GABRR2: variants seen among roughly 807,000 people sequenced by gnomAD.
GABRR2 encodes the protein gamma-aminobutyric acid type A receptor subunit rho2, also known as gamma-aminobutyric acid receptor subunit rho-2.
GABRR2 carries 36 observed loss-of-function variants against 47.0 expected under a neutral mutation model. The ratio of observed to expected loss-of-function variants is 0.77; its 90% CI spans 0.59 to 1.01. GABRR2 has a LOEUF of 1.01. GABRR2 is among the 50% of genes least tolerant of loss of function. The pLI is 0.00. For synonymous variants in GABRR2, 204 were observed against 227.5 expected, an observed-to-expected ratio of 0.90 and a Z score of 0.93; for missense variants, 587 against 594.6, an observed-to-expected ratio of 0.99 and a Z score of 0.13.
chr6:89,288,229 G>T (rs956489610), intron 2 of GABRR2, among the ~76,000 whole-genome samples: 1 of 152,074 alleles, frequency 6.6e-6, no homozygotes, highest in African/African-American at 2.4e-5. Context: ...AAACCAGAGA[G>T]GGGAGGACCA....
chr6:89,292,715 C>CAGATATATATCGTATCTCTGAT (rs1226215538), intron 2 of GABRR2, among the ~76,000 whole-genome samples: 2 of 123,398 alleles, frequency 1.6e-5, no homozygotes, highest in African/African-American at 5.4e-5. Flanking sequence ...TGATATATAT[C>CAGATATATATCGTATCTCTGAT]AGATATATAT....
At chr6:89,298,492 C>T (rs1488682945) in intron 2 of GABRR2, among the ~76,000 whole-genome samples, 4 of 152,116 alleles carry the variant, frequency 2.6e-5, no homozygotes, top group African/African-American at 9.7e-5. Context: ...CTGGAGGTCA[C>T]AGCTACTCCT....
At chr6:89,284,995 A>G (rs755554818) in intron 2 of GABRR2, among the ~76,000 whole-genome samples, 1 of 152,200 alleles carries the variant, frequency 6.6e-6, no homozygotes, top group Non-Finnish European at 1.5e-5. Flanking sequence ...CCGACTCCCC[A>G]GGCACACAGC....
At chr6:89,307,690 C>G (rs1379956905) in intron 1 of GABRR2, among the ~76,000 whole-genome samples, 1 of 152,134 alleles carries the variant, frequency 6.6e-6, no homozygotes, top group Non-Finnish European at 1.5e-5. Context: ...GCCCTCAGGG[C>G]CTGTGACTGT....
chr6:89,305,525 G>A (rs1161806445), intron 1 of GABRR2, among the ~76,000 whole-genome samples: 1 of 152,038 alleles, frequency 6.6e-6, no homozygotes, highest in African/African-American at 2.4e-5. Context: ...TTGGGAGGCT[G>A]AGGTGGGAAA....
Position 89,257,951 on chromosome 6 carries a change from TTGAA to T in GABRR2, c.1113_1116del (p.His371GlnfsTer4). 1 of 1,613,878 alleles carries T rather than the reference TTGAA, an allele frequency of 6.2e-7. No individual in the cohort carries two copies. Among genetic ancestry groups the T allele is most frequent in the Non-Finnish European group, 8.5e-7 (1 of 1,179,838 alleles). ...TAGCTTCCATCCAGCATCATGGTTT[TTGAA>T]TGAAGCATTCCACACATGCACGGGA... On this transcript the variant is annotated frameshift_variant, in exon 9 of 9. Transcript: ENST00000402938. LOFTEE classifies it high-confidence loss of function.
At chr6:89,276,061 A>C (rs1774152933) in intron 2 of GABRR2, among the ~76,000 whole-genome samples, 1 of 147,826 alleles carries the variant, frequency 6.8e-6, no homozygotes. Flanking sequence ...ATAAATTATA[A>C]TATAAAATAT....
At position 89,264,599 on chromosome 6, in the gene GABRR2, G is replaced by A. The variant is rs368451536; in HGVS notation, c.899C>T (p.Thr300Met). ...GATGATGGTGGTCATGGTCAGCACC[G>A]TCGTGATACCTGCAACACCCGGCCT... is the stretch of plus-strand genomic sequence containing the variant. Reference protein sequence around the residue: ...VPARVSLGITTVLTMTTIITG... With the variant: ...VPARVSLGITMVLTMTTIITG... The change falls in exon 8 of 9, where the codon ACG becomes ATG. Residue 300 changes from threonine (T) to methionine (M), a missense_variant. Transcript: ENST00000402938. The A allele has an allele frequency of 2.6e-5, 42 of 1,614,142 alleles. No individual in the cohort carries two copies. The highest frequency in any genetic ancestry group is 5.3e-5 in the African/African-American group (4 of 75,064).
chr6:89,267,942 C>A, intron 5 of GABRR2, 72 bp downstream of exon 5: 2 of 1,576,408 alleles, frequency 1.3e-6, no homozygotes, highest in Non-Finnish European at 1.7e-6. Context: ...AGTGCTCAGT[C>A]TCATGATTAC....
intron 2 of GABRR2, among the ~76,000 whole-genome samples, chr6:89,274,873 A>T (rs1048371645): frequency 6.6e-5 from 10 of 151,920 alleles, no homozygotes; most frequent in Non-Finnish European, 1.2e-4. Context: ...GTCTGTAAAT[A>T]AATAATTTTT....
chr6:89,258,767 G>A (rs1285131674), intron 8 of GABRR2, among the ~76,000 whole-genome samples: 2 of 150,342 alleles, frequency 1.3e-5, no homozygotes, highest in Non-Finnish European at 1.5e-5. Context: ...ATGAGGTAGA[G>A]AGTGTCCTTA....
chr6:89,260,935 T>G (rs566789708), intron 8 of GABRR2, among the ~76,000 whole-genome samples: 175 of 152,370 alleles, frequency 1.1e-3, no homozygotes, highest in African/African-American at 4.1e-3. Flanking sequence ...CCAGCAACTA[T>G]GCTTCTTGGT....
At chr6:89,302,618 C>T (rs1011767209) in intron 1 of GABRR2, 19 of 1,232,434 alleles carry the variant, frequency 1.5e-5, no homozygotes, top group South Asian at 5.9e-5. Flanking sequence ...GGGCCCTGAC[C>T]GTGCCCGAGC....
chr6:89,288,747 T>G (rs189250317), intron 2 of GABRR2, among the ~76,000 whole-genome samples: 66 of 152,250 alleles, frequency 4.3e-4, no homozygotes, highest in Non-Finnish European at 7.2e-4. Context: ...GCTCAAGTGA[T>G]CCTCCCACTT....
chr6:89,259,351 G>A (rs1459509323), intron 8 of GABRR2, among the ~76,000 whole-genome samples: 1 of 152,140 alleles, frequency 6.6e-6, no homozygotes, highest in African/African-American at 2.4e-5. Context: ...AGAAATAGAT[G>A]AATGATTTTA....
chr6:89,311,544 T>C (rs201122492), intron 1 of GABRR2, among the ~76,000 whole-genome samples: 4 of 152,124 alleles, frequency 2.6e-5, no homozygotes, highest in African/African-American at 9.7e-5. Context: ...CACCCACCCA[T>C]GGCAGGGCAG....
intron 2 of GABRR2, among the ~76,000 whole-genome samples, chr6:89,284,848 A>G (rs1235560799): frequency 6.6e-6 from 1 of 152,244 alleles, no homozygotes; most frequent in East Asian, 1.9e-4. Flanking sequence ...TTACCTCTCA[A>G]AAATTTTTTA....
At chr6:89,263,255 T>C (rs1048570554) in intron 8 of GABRR2, among the ~76,000 whole-genome samples, 1 of 152,236 alleles carries the variant, frequency 6.6e-6, no homozygotes, top group Non-Finnish European at 1.5e-5. Flanking sequence ...TTCCTTATGA[T>C]TTTCATAACA....
intron 2 of GABRR2, among the ~76,000 whole-genome samples, chr6:89,284,670 C>G (rs1774304378): frequency 6.6e-6 from 1 of 152,176 alleles, no homozygotes; most frequent in Non-Finnish European, 1.5e-5. Flanking sequence ...TGGATGCTGC[C>G]TAGAACCTCC....
Sources: allele counts gnomAD v4.1 joint callset (sites outside exome capture counted in the v4.1 genomes callset), GRCh38; gene constraint gnomAD v4.1.1; transcripts MANE v1.5; gene names NCBI Gene and HGNC (gene_info 2026-07-23, HGNC 2026-07-21).